ZMAT4: variants seen among roughly 807,000 people sequenced by gnomAD.
ZMAT4 encodes the protein zinc finger matrin-type 4, also known as zinc finger matrin-type protein 4.
In ZMAT4, 17 loss-of-function variants were observed where a neutral mutation model predicts 28.7. That is an observed-to-expected ratio of 0.59 (90% CI 0.41 to 0.89). The LOEUF (loss-of-function observed/expected upper bound fraction) is 0.89, where lower values mean the gene tolerates loss of function less well. ZMAT4 is among the 40% of genes least tolerant of loss of function. The pLI, the probability that ZMAT4 is intolerant of heterozygous loss-of-function variation, is 0.00. For missense variants in ZMAT4, 240 were observed against 283.8 expected (o/e 0.85, Z 1.11); for synonymous variants, 117 against 109.2 (o/e 1.07, Z -0.44).
chr8:40,760,645 T>A (rs1812886634), intron 3 of ZMAT4, among the ~76,000 whole-genome samples: 1 of 152,126 alleles, frequency 6.6e-6, no homozygotes, highest in Non-Finnish European at 1.5e-5. Flanking sequence ...AAAGCTGACT[T>A]TTTTCATGGT....
chr8:40,639,950 C>T (rs774460828), intron 5 of ZMAT4, among the ~76,000 whole-genome samples: 8 of 152,060 alleles, frequency 5.3e-5, no homozygotes, highest in Non-Finnish European at 1.0e-4. Context: ...TTATATCCAT[C>T]TTTCTTTTTT....
chr8:40,673,674 A>G (rs2150472021), intron 5 of ZMAT4, among the ~76,000 whole-genome samples: 1 of 152,324 alleles, frequency 6.6e-6, no homozygotes, highest in South Asian at 2.1e-4. Context: ...GCTGATCAAA[A>G]GTATGTAGGT....
intron 6 of ZMAT4, among the ~76,000 whole-genome samples, chr8:40,565,108 A>G (rs1803872846): frequency 6.6e-6 from 1 of 152,310 alleles, no homozygotes; most frequent in East Asian, 1.9e-4. Flanking sequence ...TGATGTCTCT[A>G]ATCATCATTC....
intron 5 of ZMAT4, among the ~76,000 whole-genome samples, chr8:40,629,273 T>A: frequency 6.6e-6 from 1 of 151,928 alleles, no homozygotes; most frequent in East Asian, 1.9e-4. Context: ...TATTTTGAGG[T>A]TATTAATTTC....
At chr8:40,866,887 CT>C (rs1203686752) in intron 1 of ZMAT4, among the ~76,000 whole-genome samples, 1 of 152,218 alleles carries the variant, frequency 6.6e-6, no homozygotes, top group Non-Finnish European at 1.5e-5. Flanking sequence ...ACAAATCCCC[CT>C]AATCTACATT....
intron 2 of ZMAT4, among the ~76,000 whole-genome samples, chr8:40,779,785 G>T (rs1441433841): frequency 6.6e-6 from 1 of 152,082 alleles, no homozygotes; most frequent in African/African-American, 2.4e-5. Context: ...GCCCAGATTG[G>T]CAGGAAAAGA....
chr8:40,738,904 CGT>C (rs1397312653), intron 3 of ZMAT4, among the ~76,000 whole-genome samples: 1 of 152,134 alleles, frequency 6.6e-6, no homozygotes, highest in Non-Finnish European at 1.5e-5. Flanking sequence ...CAAAACGTAT[CGT>C]GTGTCAACTT....
At chr8:40,852,951 G>A (rs572592629) in intron 1 of ZMAT4, among the ~76,000 whole-genome samples, 3 of 151,552 alleles carry the variant, frequency 2.0e-5, no homozygotes, top group Admixed American at 6.6e-5. Context: ...ATTTTATCAC[G>A]GGCAAAAAAA....
At chr8:40,589,929 C>T (rs1409860384) in intron 5 of ZMAT4, among the ~76,000 whole-genome samples, 1 of 130,122 alleles carries the variant, frequency 7.7e-6, no homozygotes, top group Non-Finnish European at 1.7e-5. Context: ...CCCTCCCTCC[C>T]TCACTCCCTT....
chr8:40,861,543 G>A (rs572638068), intron 1 of ZMAT4, among the ~76,000 whole-genome samples: 1 of 152,214 alleles, frequency 6.6e-6, no homozygotes, highest in African/African-American at 2.4e-5. Context: ...AACACCAAAA[G>A]CAATGGCAAC....
chr8:40,870,519 T>C (rs905736798), intron 1 of ZMAT4, among the ~76,000 whole-genome samples: 5 of 152,240 alleles, frequency 3.3e-5, no homozygotes, highest in Non-Finnish European at 1.5e-5. Context: ...GAAGTCTGAT[T>C]AATTCTAGAA....
intron 1 of ZMAT4, among the ~76,000 whole-genome samples, chr8:40,865,099 A>G (rs1450281798): frequency 2.0e-5 from 3 of 152,194 alleles, no homozygotes; most frequent in Non-Finnish European, 4.4e-5. Context: ...TTCCCTTTAA[A>G]CGTACGCTTT....
chr8:40,638,680 C>T (rs933636217), intron 5 of ZMAT4, among the ~76,000 whole-genome samples: 2 of 152,218 alleles, frequency 1.3e-5, no homozygotes, highest in Non-Finnish European at 2.9e-5. Flanking sequence ...CTCAATTTTA[C>T]ATCTGTCAGG....
At chr8:40,690,794 C>A (rs902997659) in intron 4 of ZMAT4, 7 of 592,642 alleles carry the variant, frequency 1.2e-5, no homozygotes, top group Non-Finnish European at 1.3e-5. Context: ...AGTTCTGAAG[C>A]TCTGTCTCTC....
At chr8:40,622,702 G>A (rs556570571) in intron 5 of ZMAT4, among the ~76,000 whole-genome samples, 15 of 152,334 alleles carry the variant, frequency 9.8e-5, no homozygotes, top group East Asian at 3.9e-4. Flanking sequence ...CACTCATGGC[G>A]GAAGAGGAAG....
chr8:40,601,988 T>C (rs976758523), intron 5 of ZMAT4, among the ~76,000 whole-genome samples: 1 of 152,192 alleles, frequency 6.6e-6, no homozygotes, highest in Admixed American at 6.5e-5. Flanking sequence ...GTGTACACTC[T>C]ACCCAATGTG....
chr8:40,626,030 A>G (rs1348343330), intron 5 of ZMAT4, among the ~76,000 whole-genome samples: 1 of 150,828 alleles, frequency 6.6e-6, no homozygotes, highest in African/African-American at 2.4e-5. Flanking sequence ...GAATCGTTTG[A>G]ACCCGGGAGG....
intron 3 of ZMAT4, among the ~76,000 whole-genome samples, chr8:40,727,591 T>C (rs1811365275): frequency 6.6e-6 from 1 of 152,172 alleles, no homozygotes; most frequent in Admixed American, 6.5e-5. Flanking sequence ...GGATATTGAG[T>C]AGGCAGCCAA....
chr8:40,712,062 T>C (rs942067642), intron 3 of ZMAT4, among the ~76,000 whole-genome samples: 2 of 152,118 alleles, frequency 1.3e-5, no homozygotes, highest in African/African-American at 2.4e-5. Flanking sequence ...TTGACGAAGA[T>C]AGAAAAGGAT....
Sources: gnomAD v4.1 joint callset for allele counts (sites outside exome capture counted in the v4.1 genomes callset) on GRCh38, gnomAD v4.1.1 for gene constraint, MANE v1.5 for transcripts, NCBI Gene and HGNC (gene_info 2026-07-23, HGNC 2026-07-21) for gene names.